The following CABP2 variants were observed in gnomAD, a reference collection of about 807,000 sequenced individuals.
CABP2 encodes calcium-binding protein 2.
A neutral mutation model predicts 28.6 loss-of-function variants in CABP2; 25 were observed. The ratio of observed to expected loss-of-function variants is 0.87; its 90% confidence interval spans 0.64 to 1.22. The LOEUF is 1.22. CABP2 is among the 50% of genes most tolerant of loss of function. The pLI, the probability that CABP2 is intolerant of heterozygous loss-of-function variation, is 0.00. For synonymous variants in CABP2, 138 were observed against 126.0 expected (o/e 1.09, Z -0.64); for missense variants, 310 against 312.2 (o/e 0.99, Z 0.05).
chr11:67,519,683 A>C, intron 6 of CABP2, 110 bp downstream of exon 6: 1 of 993,098 alleles, frequency 1.0e-6, no homozygotes, highest in Non-Finnish European at 1.5e-6. Context: ...AGGAGAGGAC[A>C]TGGGAGTGCG....
In CABP2 at chr11:67,519,820, T is replaced by A. The variant is rs1193624071; in HGVS notation, c.610A>T (p.Asn204Tyr). Residue 204 changes from asparagine to tyrosine, a missense_variant, in exon 6 of 7, where the codon AAT (asparagine) becomes TAT (tyrosine). Asn to Tyr is a moderately radical substitution (Grantham distance 143, BLOSUM62 -2). Transcript: ENST00000294288. ...VDEILQDVDLNGDGLVDFEEF... is the reference protein window; with the variant it reads ...VDEILQDVDLYGDGLVDFEEF... ...TCGAAGTCGACCAGACCGTCCCCAT[T>A]GAGGTCCACGTCCTGGAGGATCTCG... 1.4e-5 allele frequency: 23 copies of A among 1,614,010 alleles called. No homozygotes were observed. Among genetic ancestry groups the A allele is most frequent in the Non-Finnish European group, 1.9e-5 (23 of 1,179,904 alleles).
At chr11:67,519,251 G>T (rs1006562481) in intron 6 of CABP2, 87 bp from the exon 7 acceptor site, 2 of 1,389,186 alleles carry the variant, frequency 1.4e-6, no homozygotes, top group African/African-American at 1.4e-5. Flanking sequence ...GCGGGTGGGA[G>T]TGTGGTTGAG....
intron 6 of CABP2, 100 bp from the exon 7 acceptor site, chr11:67,519,264 G>T (rs759721108): frequency 2.5e-6 from 3 of 1,208,136 alleles, no homozygotes; most frequent in Non-Finnish European, 2.5e-6. Context: ...TGGTTGAGGG[G>T]AGGGTCTTCA....
Position 67,519,133 on chromosome 11 carries a change from A to G in CABP2, c.*6T>C, listed in dbSNP as rs756840419. The G allele has an allele frequency of 3.1e-6, 5 of 1,613,902 alleles. No homozygotes were observed. The highest frequency in any genetic ancestry group is 3.4e-6 in the Non-Finnish European group (4 of 1,179,958). ...CCTTTATGCTGCCTCCAGCTTCTGT[A>G]CAGGCTCACCGAGACATCATTCGCA... is the stretch of plus-strand genomic sequence containing the variant. On this transcript the variant is annotated 3_prime_UTR_variant, in exon 7 of 7. Coordinates refer to ENST00000294288, the MANE Select transcript of CABP2 (RefSeq NM_016366.3).
At chr11:67,521,652 A>G (rs974208750) in intron 3 of CABP2, among the ~76,000 whole-genome samples, 10 of 152,184 alleles carry the variant, frequency 6.6e-5, no homozygotes, top group Admixed American at 2.0e-4. Context: ...GTGCTCAGCC[A>G]GGGCCAGGCA....
At chr11:67,521,193 C>T in intron 3 of CABP2, 34 bp from the exon 4 acceptor site, 1 of 1,602,222 alleles carries the variant, frequency 6.2e-7, no homozygotes, top group Non-Finnish European at 8.5e-7. Flanking sequence ...CCTTCCCCCA[C>T]AACCCCCTGA....
In CABP2 at chr11:67,521,005, G is replaced by T. The variant is rs2134361203; in HGVS notation, c.379+20C>A. The T allele has an allele frequency of 6.2e-7, 1 of 1,608,182 alleles. No individual in the cohort carries two copies. ...GGGCATCTGGAGGACTGGGGATGGG[G>T]ATGGGTCCGAGGCACATACTGATTT... On this transcript the variant is annotated intron_variant, in intron 4 of 6. Transcript: ENST00000294288.
intron 6 of CABP2, 82 bp from the exon 7 acceptor site, chr11:67,519,246 T>G (rs561471990): frequency 6.9e-7 from 1 of 1,450,390 alleles, no homozygotes. Context: ...TTGGGGCGGG[T>G]GGGAGTGTGG....
chr11:67,523,203 T>C, intron 1 of CABP2, 82 bp downstream of exon 1: 1 of 977,058 alleles, frequency 1.0e-6, no homozygotes, highest in Non-Finnish European at 1.6e-6. Context: ...CGCCCGGCCC[T>C]CGGAGGGCTC....
Position 67,519,108 on chromosome 11 carries a change from C to T in CABP2, c.*31G>A. On this transcript the variant is annotated 3_prime_UTR_variant, in exon 7 of 7. Coordinates refer to ENST00000294288, the MANE Select transcript of CABP2 (RefSeq NM_016366.3). The stretch of plus-strand genomic sequence containing the variant: ...TGGGCAGAGGCTGTGGTCCTTGAGT[C>T]CTTTATGCTGCCTCCAGCTTCTGTA... The T allele has an allele frequency of 1.2e-6, 2 of 1,613,470 alleles. No homozygotes were observed. Among genetic ancestry groups the T allele is most frequent in the East Asian group, 2.2e-5 (1 of 44,874 alleles).
At chr11:67,521,905 C>A (rs1565205139) in intron 3 of CABP2, 47 bp downstream of exon 3, 1 of 1,514,626 alleles carries the variant, frequency 6.6e-7, no homozygotes, top group East Asian at 2.3e-5. Context: ...CCATGCCCCC[C>A]ATGCCACCTC....
In CABP2 at chr11:67,519,112, T is replaced by C. The variant is rs753128698; in HGVS notation, c.*27A>G. ...CAGAGGCTGTGGTCCTTGAGTCCTT[T>C]ATGCTGCCTCCAGCTTCTGTACAGG... On this transcript the variant is annotated 3_prime_UTR_variant, in exon 7 of 7. Coordinates refer to ENST00000294288, the MANE Select transcript of CABP2 (RefSeq NM_016366.3). 6.2e-7 allele frequency: 1 copy of C among 1,613,748 alleles called. No individual in the cohort carries two copies. The highest frequency in any genetic ancestry group is 8.5e-7 in the Non-Finnish European group (1 of 1,179,672).
At chr11:67,519,235 C>T (rs1866706074) in intron 6 of CABP2, 71 bp from the exon 7 acceptor site, 1 of 1,531,538 alleles carries the variant, frequency 6.5e-7, no homozygotes, top group Non-Finnish European at 9.0e-7. Context: ...ATCTGCAGGC[C>T]TTGGGGCGGG....
intron 4 of CABP2, 69 bp downstream of exon 4, chr11:67,520,956 T>C (rs1866737823): frequency 1.9e-6 from 3 of 1,546,222 alleles, no homozygotes; most frequent in Admixed American, 1.7e-5. Flanking sequence ...GTACCTGGAC[T>C]GCTTGGCTTC....
In CABP2 at chr11:67,520,151, T is replaced by C; in HGVS notation, c.389A>G (p.Lys130Arg). Reference protein sequence around the residue: ...IEISQQISGGKVDFEDFVELM... With the variant: ...IEISQQISGGRVDFEDFVELM... ...CTCCACGAAGTCTTCAAAGTCCACCTTTCCGCCACCTGGGGGTCCCGTCCA... is the reference window on the plus strand; with the variant it reads ...CTCCACGAAGTCTTCAAAGTCCACCCTTCCGCCACCTGGGGGTCCCGTCCA... The change falls in exon 5 of 7, where the codon AAG becomes AGG. Residue 130 changes from lysine (K) to arginine (R), a missense_variant. Coordinates refer to ENST00000294288, the MANE Select transcript of CABP2 (RefSeq NM_016366.3). The C allele has an allele frequency of 6.2e-7, 1 of 1,612,836 alleles. No individual in the cohort carries two copies. Among genetic ancestry groups the C allele is most frequent in the Non-Finnish European group, 8.5e-7 (1 of 1,179,012 alleles).
intron 3 of CABP2, 44 bp downstream of exon 3, chr11:67,521,908 G>A (rs1435742009): frequency 1.5e-6 from 1 of 650,902 alleles, no homozygotes; most frequent in South Asian, 2.8e-5. Flanking sequence ...TGCCCCCCAT[G>A]CCACCTCCCC....
intron 6 of CABP2, 119 bp from the exon 7 acceptor site, chr11:67,519,283 C>T: frequency 1.0e-6 from 1 of 954,958 alleles, no homozygotes. Context: ...CAAGGGCATC[C>T]TCTGGATCTG....
Position 67,520,106 on chromosome 11 carries a change from A to G in CABP2, c.434T>C (p.Leu145Pro), listed in dbSNP as rs768409215. The G allele has an allele frequency of 6.2e-7, 1 of 1,613,930 alleles. No individual in the cohort carries two copies. The part of the protein sequence containing the change: ...DFVELMGPKL[L>P]AETADMIGVR... ...ACCGATCATGTCTGCCGTCTCTGCCAGCAGCTTGGGGCCCATCAGCTCCAC... is the reference window on the plus strand; with the variant it reads ...ACCGATCATGTCTGCCGTCTCTGCCGGCAGCTTGGGGCCCATCAGCTCCAC... The change falls in exon 5 of 7, where the codon CTG becomes CCG. Residue 145 changes from leucine (L) to proline (P), a missense_variant. Transcript: ENST00000294288.
At chr11:67,521,841 T>C in intron 3 of CABP2, 111 bp downstream of exon 3, 1 of 990,300 alleles carries the variant, frequency 1.0e-6, no homozygotes, top group Non-Finnish European at 1.6e-6. Flanking sequence ...TCCCACTTCC[T>C]CCTGGAAACA....
Sources: allele counts gnomAD v4.1 joint callset (sites outside exome capture counted in the v4.1 genomes callset), GRCh38; gene constraint gnomAD v4.1.1; transcripts MANE v1.5; gene names NCBI Gene and HGNC (gene_info 2026-07-23, HGNC 2026-07-21).